The following ABRAXAS2 variants were observed in gnomAD, a reference collection of about 807,000 sequenced individuals.
ABRAXAS2 encodes the protein abraxas 2, BRISC complex subunit, also known as BRISC complex subunit Abraxas 2.
A neutral mutation model predicts 49.0 loss-of-function variants in ABRAXAS2; 23 were observed. That is an observed-to-expected ratio of 0.47 (90% CI 0.34 to 0.66). The LOEUF is 0.66. Ranked by LOEUF, ABRAXAS2 falls within the 30% of genes least tolerant of loss-of-function variation. The pLI, the probability that ABRAXAS2 is intolerant of heterozygous loss-of-function variation, is 0.01. For synonymous variants in ABRAXAS2, 168 were observed against 180.2 expected (o/e 0.93, Z 0.54); for missense variants, 443 against 511.9 (o/e 0.87, Z 1.30).
chr10:124,815,370 A>ATT lies in ABRAXAS2; in HGVS notation c.164-1202_164-1201dup, dbSNP rs756258289. Among the ~76,000 whole-genome samples, 15 of 151,622 alleles carry ATT rather than the reference A, an allele frequency of 9.9e-5. No homozygotes were observed. The South Asian group carries it at 3.1e-3, about 32-fold the overall frequency. ...CCAACACGCCTGGCTAATTTTTTGT[A>ATT]TTTTTGGTGGAGACGAGGTTTCACC... On this transcript the variant is annotated intron_variant, in intron 2 of 8. Coordinates refer to ENST00000298492, the MANE Select transcript of ABRAXAS2 (RefSeq NM_032182.4).
intron 7 of ABRAXAS2, 21 bp from the exon 8 acceptor site, chr10:124,831,328 C>T (rs375402637): frequency 1.7e-5 from 25 of 1,473,660 alleles, no homozygotes; most frequent in Non-Finnish European, 2.2e-5. Context: ...AAGCTAACCT[C>T]GTTGTCATTT....
intron 4 of ABRAXAS2, among the ~76,000 whole-genome samples, chr10:124,824,027 C>T (rs1383480548): frequency 2.0e-5 from 3 of 152,162 alleles, no homozygotes; most frequent in East Asian, 1.9e-4. Flanking sequence ...AAGTGATCCC[C>T]CTGCCTCAGC....
chr10:124,825,178 C>T (rs940121529), intron 4 of ABRAXAS2, among the ~76,000 whole-genome samples: 1 of 151,792 alleles, frequency 6.6e-6, no homozygotes. Context: ...ATTAGCCAGG[C>T]GCGGTGGCAC....
At position 124,834,669 on chromosome 10, in the gene ABRAXAS2, C is replaced by A. The variant is rs753704058; in HGVS notation, c.946C>A (p.Gln316Lys). Residue 316 changes from glutamine (Q) to lysine (K), a missense_variant, in exon 9 of 9, where the codon CAA becomes AAA. By Grantham distance (53) the Gln-to-Lys change is moderately conservative. Around this residue, in one of 3 missense-constraint regions of ABRAXAS2, gnomAD observed 230 missense variants for 237.0 expected, o/e 0.97. Transcript: ENST00000298492. ...PPYSDFHPNN[Q>K]ESTLSHSRME... The stretch of plus-strand genomic sequence containing the variant: ...TTACTCTGATTTTCACCCAAACAAT[C>A]AAGAAAGTACTTTGAGCCACTCTCG... 4 of 1,614,110 alleles carry A rather than the reference C, an allele frequency of 2.5e-6. No individual in the cohort carries two copies. In the South Asian group the frequency reaches 3.3e-5, roughly 13 times the overall value.
chr10:124,828,821 T>C lies in ABRAXAS2; in HGVS notation c.524T>C (p.Val175Ala), dbSNP rs775656963. 13 of 1,613,854 alleles carry C rather than the reference T, an allele frequency of 8.1e-6. No individual in the cohort carries two copies. Among genetic ancestry groups the C allele is most frequent in the Non-Finnish European group, 1.0e-5 (12 of 1,179,760 alleles). Residue 175 changes from valine to alanine, a missense_variant, in exon 6 of 9, where the codon GTG becomes GCG. Physicochemically the swap from Val to Ala is moderately conservative, Grantham distance 64. Coordinates refer to ENST00000298492, the MANE Select transcript of ABRAXAS2 (RefSeq NM_032182.4). ...AATACTAGCCAGCAAGAGTACAAAG[T>C]GTCTTCAGTGCCAAATACTTCTCAG... ...LGNTSQQEYK[V>A]SSVPNTSQSY...
At chr10:124,813,831 G>C (rs1950806642) in intron 2 of ABRAXAS2, among the ~76,000 whole-genome samples, 1 of 152,150 alleles carries the variant, frequency 6.6e-6, no homozygotes, top group Non-Finnish European at 1.5e-5. Context: ...TCAGAGTTCA[G>C]AACTTACTCC....
At chr10:124,817,225 C>T (rs1006159862) in intron 3 of ABRAXAS2, among the ~76,000 whole-genome samples, 2 of 152,056 alleles carry the variant, frequency 1.3e-5, no homozygotes, top group South Asian at 2.1e-4. Context: ...AAAGTGAAAC[C>T]GCAGACAAGA....
At chr10:124,804,149 G>T (rs551975082) in intron 1 of ABRAXAS2, among the ~76,000 whole-genome samples, 1 of 152,082 alleles carries the variant, frequency 6.6e-6, no homozygotes, top group Non-Finnish European at 1.5e-5. Flanking sequence ...GCGATCTTCC[G>T]TTTTTGGCCT....
chr10:124,833,306 CA>C lies in ABRAXAS2; in HGVS notation c.779-1184del, dbSNP rs35761950. On this transcript the variant is annotated intron_variant, in intron 8 of 8. Coordinates refer to ENST00000298492, the MANE Select transcript of ABRAXAS2 (RefSeq NM_032182.4). Reference sequence around the variant, plus strand: ...ACATGGCAAAACCCCATCTCTACTTCAAAAAAAAAAAAGCCAGGCATGGTGG... The same window carrying C: ...ACATGGCAAAACCCCATCTCTACTTCAAAAAAAAAAAGCCAGGCATGGTGG... Among the ~76,000 whole-genome samples, 81 of 144,010 alleles carry C rather than the reference CA, an allele frequency of 5.6e-4. No homozygotes were observed. The South Asian group carries it at 8.7e-3, about 15-fold the overall frequency. The allele number at this position is 144,010 out of a possible 152,430, so 94.5% of individuals were successfully genotyped here.
chr10:124,823,999 C>G (rs1950879812), intron 4 of ABRAXAS2, among the ~76,000 whole-genome samples: 1 of 152,212 alleles, frequency 6.6e-6, no homozygotes, highest in South Asian at 2.1e-4. Flanking sequence ...CTCACTGTAG[C>G]CTGGCCCTCC....
In ABRAXAS2 at chr10:124,835,050, G is replaced by A. The variant is rs1350098238; in HGVS notation, c.*79G>A. On this transcript the variant is annotated 3_prime_UTR_variant, in exon 9 of 9. Transcript: ENST00000298492. ...AGGGTTTTTGAGAACTTAATCTGGG[G>A]GGAGAACTGCTTTCTCAGATACCTT... 9.0e-7 allele frequency: 1 copy of A among 1,112,152 alleles called. No individual in the cohort carries two copies. The highest frequency in any genetic ancestry group is 1.6e-5 in the African/African-American group (1 of 63,104). 68.9% of individuals were successfully genotyped at this position (1,112,152 alleles called of 1,614,324 possible).
chr10:124,816,493 TA>T (rs11451694), intron 2 of ABRAXAS2, 82 bp from the exon 3 acceptor site: 153 of 633,500 alleles, frequency 2.4e-4, no homozygotes, highest in African/African-American at 9.7e-4. Flanking sequence ...AGATTTTGAT[TA>T]AAAAAAAAAG....
chr10:124,814,327 T>C (rs1473731858), intron 2 of ABRAXAS2, among the ~76,000 whole-genome samples: 1 of 151,670 alleles, frequency 6.6e-6, no homozygotes, highest in Non-Finnish European at 1.5e-5. Flanking sequence ...GAAATATTAC[T>C]AGGTGAGGTT....
chr10:124,825,241 C>G (rs1445625560), intron 4 of ABRAXAS2, among the ~76,000 whole-genome samples: 1 of 150,374 alleles, frequency 6.7e-6, no homozygotes, highest in African/African-American at 2.4e-5. Flanking sequence ...TCGCTTGAAC[C>G]CAGGAGGTGG....
chr10:124,815,429 C>A (rs1474021077), intron 2 of ABRAXAS2, among the ~76,000 whole-genome samples: 2 of 152,020 alleles, frequency 1.3e-5, no homozygotes, highest in East Asian at 3.9e-4. Context: ...CTCCTGACCT[C>A]GCAATCCACC....
intron 4 of ABRAXAS2, among the ~76,000 whole-genome samples, chr10:124,820,877 G>A (rs931655862): frequency 6.6e-6 from 1 of 152,070 alleles, no homozygotes; most frequent in Non-Finnish European, 1.5e-5. Flanking sequence ...GTACCAGGAA[G>A]TATTTTTTAA....
At chr10:124,826,865 G>A (rs1344785277) in intron 5 of ABRAXAS2, 80 bp downstream of exon 5, 1 of 1,383,976 alleles carries the variant, frequency 7.2e-7, no homozygotes, top group Admixed American at 1.9e-5. Flanking sequence ...TGTAATCCCA[G>A]CACTTTGGAA....
Position 124,826,626 on chromosome 10 carries a change from A to G in ABRAXAS2, c.299A>G (p.Asn100Ser). ...ATTGGGTGGTACAGATTCCGGCGCA[A>G]TACGCAGCAGCAGATGTCCTACAGA... ...KVIGWYRFRR[N>S]TQQQMSYREQ... Residue 100 changes from asparagine to serine, a missense_variant, in exon 5 of 9, where the codon AAT (asparagine) becomes AGT (serine). Around this residue, in one of 3 missense-constraint regions of ABRAXAS2, gnomAD observed 166 missense variants for 247.3 expected, o/e 0.67. Transcript: ENST00000298492. The G allele has an allele frequency of 6.2e-7, 1 of 1,614,114 alleles. No homozygotes were observed. The highest frequency in any genetic ancestry group is 1.1e-5 in the South Asian group (1 of 91,076).
rs555756675 is a variant in ABRAXAS2 at position 124,809,955 on chromosome 10, G to T, written c.163+3034G>T. On this transcript the variant is annotated intron_variant, in intron 2 of 8. Transcript: ENST00000298492. ...TTTAGTAGAGACGGGGTTTCTCCAT[G>T]TTGGTCAGGCTGGTCTCGAACTCTC... Among the ~76,000 whole-genome samples the T allele has an allele frequency of 7.2e-5, 11 of 152,194 alleles. No individual in the cohort carries two copies. In the East Asian group the frequency reaches 2.1e-3, roughly 30 times the overall value.
Sources: allele counts gnomAD v4.1 joint callset (sites outside exome capture counted in the v4.1 genomes callset), GRCh38; gene constraint gnomAD v4.1.1; regional missense constraint gnomAD v4.1.1; transcripts MANE v1.5; gene names NCBI Gene and HGNC (gene_info 2026-07-23, HGNC 2026-07-21).